Variants in TNNI3K observed in about 807,000 individuals in gnomAD.
The protein encoded by TNNI3K is serine/threonine-protein kinase TNNI3K.
TNNI3K carries 140 observed loss-of-function variants against 114.5 expected under a neutral mutation model. That is an observed-to-expected ratio of 1.22 (90% CI 1.07 to 1.41). The LOEUF is 1.41. Ranked by LOEUF, TNNI3K falls within the 40% of genes most tolerant of loss-of-function variation. The probability of loss-of-function intolerance (pLI) is 0.00; values close to 1 mark genes in which losing one functional copy is unlikely to be tolerated. For missense variants in TNNI3K, 1,125 were observed against 1,007.6 expected, an observed-to-expected ratio of 1.12 and a Z score of -1.58; for synonymous variants, 347 against 347.5, an observed-to-expected ratio of 1.00 and a Z score of 0.02.
intron 5 of TNNI3K, among the ~76,000 whole-genome samples, chr1:74,280,350 C>T (rs191807815): frequency 1.7e-3 from 265 of 151,762 alleles, no homozygotes; most frequent in African/African-American, 6.0e-3. Context: ...CCACTGCACT[C>T]CAGTCTAGGT....
At chr1:74,288,530 T>C (rs1657469109) in intron 5 of TNNI3K, among the ~76,000 whole-genome samples, 1 of 152,028 alleles carries the variant, frequency 6.6e-6, no homozygotes, top group Non-Finnish European at 1.5e-5. Flanking sequence ...GAAAGACAAA[T>C]GCTTCATGAT....
intron 17 of TNNI3K, among the ~76,000 whole-genome samples, chr1:74,397,993 G>A (rs1037280183): frequency 1.1e-4 from 17 of 151,912 alleles, no homozygotes; most frequent in Admixed American, 9.2e-4. Flanking sequence ...AAATAGCAGG[G>A]GGAAAAAATT....
intron 17 of TNNI3K, chr1:74,372,784 T>C (rs1343432300): frequency 6.6e-6 from 1 of 151,862 alleles, no homozygotes; most frequent in Non-Finnish European, 1.5e-5. Flanking sequence ...CCCTGAGTTA[T>C]GTGCAAGTTG....
At chr1:74,438,683 A>G (rs572633730) in intron 19 of TNNI3K, among the ~76,000 whole-genome samples, 1 of 152,164 alleles carries the variant, frequency 6.6e-6, no homozygotes, top group South Asian at 2.1e-4. Flanking sequence ...CTAAACTAGA[A>G]ATCAACCAAA....
chr1:74,330,697 A>T (rs1460339421), intron 5 of TNNI3K, among the ~76,000 whole-genome samples: 1 of 152,274 alleles, frequency 6.6e-6, no homozygotes, highest in East Asian at 1.9e-4. Context: ...AATAAACCTA[A>T]AATGGATAGA....
At chr1:74,469,720 C>G (rs1405042785) in intron 21 of TNNI3K, among the ~76,000 whole-genome samples, 1 of 152,054 alleles carries the variant, frequency 6.6e-6, no homozygotes, top group Non-Finnish European at 1.5e-5. Flanking sequence ...GTCATATATT[C>G]AACTCTGGTT....
At chr1:74,495,305 G>A (rs1035130461) in intron 23 of TNNI3K, among the ~76,000 whole-genome samples, 8 of 152,234 alleles carry the variant, frequency 5.3e-5, no homozygotes, top group South Asian at 2.1e-4. Flanking sequence ...TCTAGGAATC[G>A]GTAAAGCGTT....
chr1:74,419,992 A>G (rs1665317442), intron 17 of TNNI3K, among the ~76,000 whole-genome samples: 1 of 152,084 alleles, frequency 6.6e-6, no homozygotes, highest in Non-Finnish European at 1.5e-5. Flanking sequence ...AATAATAAGG[A>G]TCTGAGGAGA....
intron 5 of TNNI3K, among the ~76,000 whole-genome samples, chr1:74,298,191 C>T (rs1354785721): frequency 2.6e-5 from 4 of 152,124 alleles, no homozygotes; most frequent in Non-Finnish European, 5.9e-5. Flanking sequence ...ATATACTCAG[C>T]ATACAATAGT....
chr1:74,470,542 G>GGAATT, intron 21 of TNNI3K: 1 of 400,658 alleles, frequency 2.5e-6, no homozygotes, highest in South Asian at 1.3e-4. Flanking sequence ...ATTTTGGTAT[G>GGAATT]GAATTGAATT....
At chr1:74,298,138 C>G (rs528341317) in intron 5 of TNNI3K, among the ~76,000 whole-genome samples, 9 of 152,258 alleles carry the variant, frequency 5.9e-5, no homozygotes, top group South Asian at 2.1e-4. Context: ...TATGGTTGAT[C>G]TCATTCTGAA....
intron 11 of TNNI3K, among the ~76,000 whole-genome samples, chr1:74,362,291 T>C (rs1662008832): frequency 6.6e-6 from 1 of 152,128 alleles, no homozygotes; most frequent in African/African-American, 2.4e-5. Flanking sequence ...AGTTTGATTA[T>C]TTGGGCCAGG....
intron 11 of TNNI3K, among the ~76,000 whole-genome samples, chr1:74,356,258 T>A (rs960542854): frequency 6.6e-6 from 1 of 152,222 alleles, no homozygotes; most frequent in African/African-American, 2.4e-5. Flanking sequence ...ATATCACAAT[T>A]TTTTAATTCA....
At chr1:74,279,015 A>G (rs970828303) in intron 5 of TNNI3K, among the ~76,000 whole-genome samples, 12 of 152,204 alleles carry the variant, frequency 7.9e-5, no homozygotes, top group Non-Finnish European at 1.2e-4. Flanking sequence ...TGTAAATGCA[A>G]TTTCTTTCTA....
At chr1:74,373,109 G>A (rs1469874805) in intron 17 of TNNI3K, 1 of 151,818 alleles carries the variant, frequency 6.6e-6, no homozygotes, top group Admixed American at 6.6e-5. Context: ...GCTCAAAAGA[G>A]CCTGGGTCCT....
At chr1:74,471,698 C>G (rs1329594659) in intron 21 of TNNI3K, 2 of 401,840 alleles carry the variant, frequency 5.0e-6, no homozygotes, top group African/African-American at 4.1e-5. Context: ...AAATCAGGAT[C>G]ATGGAAGATA....
At chr1:74,483,986 A>C (rs1200807950) in intron 21 of TNNI3K, among the ~76,000 whole-genome samples, 1 of 152,180 alleles carries the variant, frequency 6.6e-6, no homozygotes, top group Admixed American at 6.6e-5. Context: ...TTATCTTAGA[A>C]AAAAATATTT....
At chr1:74,342,002 A>G (rs1478051861) in intron 7 of TNNI3K, 1 of 152,164 alleles carries the variant, frequency 6.6e-6, no homozygotes, top group Non-Finnish European at 1.5e-5. Flanking sequence ...TGAGAGTAAA[A>G]GTGTCATTAT....
intron 24 of TNNI3K, among the ~76,000 whole-genome samples, chr1:74,540,624 C>CAA (rs1646715784): frequency 6.6e-6 from 1 of 150,928 alleles, no homozygotes; most frequent in Non-Finnish European, 1.5e-5. Context: ...AAAAAAAACT[C>CAA]CTTCCTCTCA....
Sources: gnomAD v4.1 joint callset for allele counts (sites outside exome capture counted in the v4.1 genomes callset) on GRCh38, gnomAD v4.1.1 for gene constraint, MANE v1.5 for transcripts, NCBI Gene and HGNC (gene_info 2026-07-23, HGNC 2026-07-21) for gene names.